Variants in RBFOX1 observed in about 807,000 individuals in gnomAD.
RBFOX1 encodes RNA binding protein fox-1 homolog 1.
RBFOX1 carries 8 observed loss-of-function variants against 57.7 expected under a neutral mutation model. The ratio of observed to expected loss-of-function variants is 0.14; its 90% confidence interval spans 0.08 to 0.25. The LOEUF (loss-of-function observed/expected upper bound fraction) is 0.25, where lower values mean the gene tolerates loss of function less well. RBFOX1 is among the 10% of genes least tolerant of loss of function. The pLI is 1.00. For synonymous variants in RBFOX1, 326 were observed against 222.4 expected, an observed-to-expected ratio of 1.47 and a Z score of -4.15; for missense variants, 611 against 548.5, an observed-to-expected ratio of 1.11 and a Z score of -1.14.
intron 4 of RBFOX1, among the ~76,000 whole-genome samples, chr16:7,253,415 C>G (rs535116721): frequency 1.3e-5 from 2 of 152,304 alleles, no homozygotes; most frequent in African/African-American, 4.8e-5. Context: ...GACAACCCCT[C>G]AACCTCTTCC....
At chr16:5,639,985 G>A (rs1423582001) in intron 3 of RBFOX1, among the ~76,000 whole-genome samples, 2 of 152,220 alleles carry the variant, frequency 1.3e-5, no homozygotes, top group African/African-American at 4.8e-5. Flanking sequence ...GATCAGGAGT[G>A]TTCACTGGCA....
intron 2 of RBFOX1, among the ~76,000 whole-genome samples, chr16:6,474,032 T>C (rs2095234146): frequency 6.6e-6 from 1 of 152,134 alleles, no homozygotes; most frequent in Admixed American, 6.5e-5. Context: ...TGGCTTCCTG[T>C]AGACAATAAG....
At chr16:6,188,818 C>A (rs2152805483) in intron 1 of RBFOX1, among the ~76,000 whole-genome samples, 1 of 152,256 alleles carries the variant, frequency 6.6e-6, no homozygotes, top group Non-Finnish European at 1.5e-5. Flanking sequence ...CTTTGAAGCA[C>A]ATACAGTTCA....
At chr16:6,572,985 G>T (rs763557498) in intron 2 of RBFOX1, among the ~76,000 whole-genome samples, 1 of 152,126 alleles carries the variant, frequency 6.6e-6, no homozygotes, top group African/African-American at 2.4e-5. Context: ...CGGGGACCTT[G>T]AACTCAAGTC....
intron 1 of RBFOX1, among the ~76,000 whole-genome samples, chr16:5,353,531 A>C (rs1463769605): frequency 1.3e-5 from 2 of 152,148 alleles, no homozygotes; most frequent in African/African-American, 2.4e-5. Context: ...GGATGGATTT[A>C]TGTGAATGTC....
chr16:6,282,550 C>T (rs1335165868), intron 1 of RBFOX1, among the ~76,000 whole-genome samples: 2 of 151,880 alleles, frequency 1.3e-5, no homozygotes, highest in East Asian at 1.9e-4. Context: ...CCACCACCCC[C>T]GACAGGCCCC....
intron 3 of RBFOX1, among the ~76,000 whole-genome samples, chr16:6,837,308 T>G (rs1362769593): frequency 1.3e-5 from 2 of 152,222 alleles, no homozygotes; most frequent in East Asian, 3.8e-4. Context: ...CCCAGGCTGC[T>G]TCCATTTTGT....
At chr16:6,578,038 T>C (rs1326537533) in intron 2 of RBFOX1, among the ~76,000 whole-genome samples, 1 of 152,202 alleles carries the variant, frequency 6.6e-6, no homozygotes, top group African/African-American at 2.4e-5. Context: ...TGAAGAGCCA[T>C]TTCTAAAATT....
At chr16:5,614,905 G>A (rs2047964656) in intron 3 of RBFOX1, among the ~76,000 whole-genome samples, 2 of 152,348 alleles carry the variant, frequency 1.3e-5, no homozygotes, top group South Asian at 2.1e-4. Context: ...AGAACACAGG[G>A]AGGGTGGGGG....
intron 3 of RBFOX1, among the ~76,000 whole-genome samples, chr16:7,044,271 A>G (rs1033651910): frequency 6.6e-6 from 1 of 152,194 alleles, no homozygotes; most frequent in African/African-American, 2.4e-5. Flanking sequence ...TCATCTCTAG[A>G]AAAGGAAAGC....
chr16:6,431,896 G>T (rs78364737), intron 2 of RBFOX1, among the ~76,000 whole-genome samples: 4,559 of 128,052 alleles, frequency 0.036, 216 homozygotes, highest in East Asian at 0.17. Flanking sequence ...TTGCTTGCTT[G>T]CTTTCTTTCT....
intron 2 of RBFOX1, among the ~76,000 whole-genome samples, chr16:6,578,847 G>A (rs1174263115): frequency 2.0e-5 from 3 of 151,580 alleles, no homozygotes; most frequent in Non-Finnish European, 2.9e-5. Context: ...ATCTTTGCTC[G>A]AGGCATAAGA....
rs2093039500 is a variant in RBFOX1, at chr16:6,400,824, G to C, written c.-64+83767G>C. ...GTGGGAGAATCACGTGAACCCAGGA[G>C]GCAGAGGTTGCAGTGAGCTGAGATT... On this transcript the variant is annotated intron_variant, in intron 2 of 15. Coordinates refer to ENST00000550418, the MANE Select transcript of RBFOX1 (RefSeq NM_018723.4). 5.9e-5 allele frequency among the ~76,000 whole-genome samples: 9 copies of C among 152,292 alleles called. No individual in the cohort carries two copies. In the South Asian group the frequency reaches 1.9e-3, roughly 32 times the overall value.
At chr16:5,450,789 C>T (rs529572335) in intron 1 of RBFOX1, among the ~76,000 whole-genome samples, 3 of 152,246 alleles carry the variant, frequency 2.0e-5, no homozygotes, top group African/African-American at 4.8e-5. Context: ...TGGGTAGCCT[C>T]GTCTGGGACC....
rs145477318 is a variant in RBFOX1, at chr16:7,336,461, G to C, written c.28-181686G>C. Among the ~76,000 whole-genome samples the C allele has an allele frequency of 5.3e-5, 8 of 152,284 alleles. No individual in the cohort carries two copies. In the East Asian group the frequency reaches 1.5e-3, roughly 29 times the overall value. On this transcript the variant is annotated intron_variant, in intron 4 of 15. Coordinates refer to ENST00000550418, the MANE Select transcript of RBFOX1 (RefSeq NM_018723.4). ...CAGATTATTTTCCTGGATGGTTGAT[G>C]GTGTAAATAGAGCCATATTCACCTC...
intron 1 of RBFOX1, among the ~76,000 whole-genome samples, chr16:5,443,537 C>A (rs895282317): frequency 1.2e-4 from 19 of 152,042 alleles, no homozygotes; most frequent in African/African-American, 4.3e-4. Flanking sequence ...ATGGGGTTTC[C>A]CTGTGTTGGC....
chr16:7,260,271 C>T (rs181758062), intron 4 of RBFOX1, among the ~76,000 whole-genome samples: 2 of 152,180 alleles, frequency 1.3e-5, no homozygotes, highest in African/African-American at 4.8e-5. Flanking sequence ...TTAACTTGGA[C>T]TTGCCAGATA....
chr16:5,476,328 G>C (rs2069322405), intron 2 of RBFOX1, among the ~76,000 whole-genome samples: 1 of 152,134 alleles, frequency 6.6e-6, no homozygotes, highest in African/African-American at 2.4e-5. Flanking sequence ...GGTAAATCTG[G>C]AGTGAGACCA....
intron 4 of RBFOX1, among the ~76,000 whole-genome samples, chr16:7,439,935 C>G (rs1365574507): frequency 6.8e-6 from 1 of 147,386 alleles, no homozygotes; most frequent in Non-Finnish European, 1.5e-5. Flanking sequence ...ACAAAACAAC[C>G]AAATCTTTTC....
Sources: allele counts gnomAD v4.1 joint callset (sites outside exome capture counted in the v4.1 genomes callset), GRCh38; gene constraint gnomAD v4.1.1; transcripts MANE v1.5; gene names NCBI Gene and HGNC (gene_info 2026-07-23, HGNC 2026-07-21).